The following LRRC4C variants were observed in gnomAD, a reference collection of about 807,000 sequenced individuals.
LRRC4C encodes the protein leucine-rich repeat-containing protein 4C.
LRRC4C carries 5 observed loss-of-function variants against 33.6 expected under a neutral mutation model. The observed-to-expected ratio is 0.15, with a 90% CI of 0.08 to 0.31. The LOEUF is 0.31. Ranked by LOEUF, LRRC4C falls within the 10% of genes least tolerant of loss-of-function variation. The pLI, the probability that LRRC4C is intolerant of heterozygous loss-of-function variation, is 1.00. For missense variants in LRRC4C, 560 were observed against 796.7 expected (o/e 0.70, Z 3.58); for synonymous variants, 329 against 302.0 (o/e 1.09, Z -0.93).
At chr11:41,043,965 C>A (rs1249387628) in intron 1 of LRRC4C, among the ~76,000 whole-genome samples, 3 of 151,894 alleles carry the variant, frequency 2.0e-5, no homozygotes, top group African/African-American at 7.3e-5. Context: ...AAGTGGCTTT[C>A]CAAAACACAC....
intron 2 of LRRC4C, among the ~76,000 whole-genome samples, chr11:40,720,058 G>A (rs1946934204): frequency 6.6e-6 from 1 of 152,094 alleles, no homozygotes; most frequent in Non-Finnish European, 1.5e-5. Flanking sequence ...TGTCAGCCTT[G>A]CTTATCCCTC....
chr11:40,691,889 A>G (rs1945235588), intron 2 of LRRC4C, among the ~76,000 whole-genome samples: 2 of 152,060 alleles, frequency 1.3e-5, no homozygotes, highest in Admixed American at 1.3e-4. Flanking sequence ...TAACTTTCTG[A>G]TTTGGATGTG....
intron 1 of LRRC4C, among the ~76,000 whole-genome samples, chr11:41,064,579 T>A (rs2135385662): frequency 6.6e-6 from 1 of 152,302 alleles, no homozygotes; most frequent in Non-Finnish European, 1.5e-5. Flanking sequence ...GGGATATGGT[T>A]TGGCTCTGTG....
chr11:40,528,495 G>T (rs1470918187), intron 3 of LRRC4C, among the ~76,000 whole-genome samples: 1 of 151,834 alleles, frequency 6.6e-6, no homozygotes, highest in African/African-American at 2.4e-5. Flanking sequence ...AAAAAGAAGT[G>T]TAGGCAAGGA....
At chr11:40,819,985 TA>T (rs1044557627) in intron 2 of LRRC4C, among the ~76,000 whole-genome samples, 68 of 151,064 alleles carry the variant, frequency 4.5e-4, no homozygotes, top group African/African-American at 1.6e-3. Context: ...GTGACTAAAT[TA>T]AAAAAAAGAC....
At chr11:40,634,723 A>AAT (rs370680374) in intron 3 of LRRC4C, among the ~76,000 whole-genome samples, 20,065 of 149,906 alleles carry the variant, frequency 0.13, 1,532 homozygotes, top group Non-Finnish European at 0.18. Flanking sequence ...AAGAAAATAA[A>AAT]AAAAAAAAAT....
In LRRC4C at chr11:41,381,845, GCTCT is replaced by G. The variant is rs759355254; in HGVS notation, c.-496+77582_-496+77585del. 1.5e-4 allele frequency among the ~76,000 whole-genome samples: 23 copies of G among 150,858 alleles called. No individual in the cohort carries two copies. The East Asian group carries it at 4.5e-3, about 30-fold the overall frequency. On this transcript the variant is annotated intron_variant, in intron 1 of 6. Transcript: ENST00000528697. ...TAAATAAAACCTTTATCTCTCTTTG[GCTCT>G]CTCTATCTCTGGCTCTATCTATATA...
chr11:40,317,227 A>T (rs968627312), intron 4 of LRRC4C, among the ~76,000 whole-genome samples: 1 of 151,598 alleles, frequency 6.6e-6, no homozygotes, highest in Admixed American at 6.6e-5. Flanking sequence ...ACTTAGGACT[A>T]CTTTATTCCT....
chr11:40,704,871 G>A (rs1024724362), intron 2 of LRRC4C, among the ~76,000 whole-genome samples: 1 of 151,942 alleles, frequency 6.6e-6, no homozygotes, highest in African/African-American at 2.4e-5. Context: ...AATTCTTTCT[G>A]TAAATATTGA....
intron 2 of LRRC4C, among the ~76,000 whole-genome samples, chr11:40,759,506 T>C (rs1344142552): frequency 6.6e-6 from 1 of 151,856 alleles, no homozygotes; most frequent in Non-Finnish European, 1.5e-5. Context: ...TCAGTACATA[T>C]TTGAGTGAAT....
At chr11:40,383,267 A>G (rs1247052689) in intron 3 of LRRC4C, among the ~76,000 whole-genome samples, 1 of 152,108 alleles carries the variant, frequency 6.6e-6, no homozygotes, top group East Asian at 1.9e-4. Flanking sequence ...TCATGGATGG[A>G]CACTTAGGTT....
chr11:40,763,135 AC>A (rs1949304585), intron 2 of LRRC4C, among the ~76,000 whole-genome samples: 1 of 151,442 alleles, frequency 6.6e-6, no homozygotes, highest in African/African-American at 2.4e-5. Context: ...ACATATATAT[AC>A]ACTTTTTTAG....
chr11:40,631,695 A>G (rs1167648017), intron 3 of LRRC4C, among the ~76,000 whole-genome samples: 1 of 152,208 alleles, frequency 6.6e-6, no homozygotes, highest in Non-Finnish European at 1.5e-5. Flanking sequence ...GAATTAAAAA[A>G]AAATGTTGCT....
intron 2 of LRRC4C, among the ~76,000 whole-genome samples, chr11:40,856,916 G>T (rs765399851): frequency 2.0e-5 from 3 of 152,112 alleles, no homozygotes; most frequent in Non-Finnish European, 4.4e-5. Flanking sequence ...AATAAAGTTT[G>T]AAAGTGTACA....
intron 2 of LRRC4C, among the ~76,000 whole-genome samples, chr11:40,665,323 AAAATATATATATATATAT>A (rs1296432309): frequency 2.7e-4 from 3 of 10,930 alleles, no homozygotes; most frequent in South Asian, 4.3e-3. Context: ...AAAAAAAAAA[AAAATATATATATATATAT>A]ATATATATAT....
At chr11:41,168,080 C>T (rs1422292784) in intron 1 of LRRC4C, among the ~76,000 whole-genome samples, 1 of 152,056 alleles carries the variant, frequency 6.6e-6, no homozygotes, top group Non-Finnish European at 1.5e-5. Context: ...ATCTAGCATT[C>T]ATTGACCACC....
chr11:41,354,704 G>A (rs957579876), intron 1 of LRRC4C, among the ~76,000 whole-genome samples: 1 of 151,824 alleles, frequency 6.6e-6, no homozygotes, highest in African/African-American at 2.4e-5. Context: ...AAATAAAACT[G>A]CATTTCTACC....
At chr11:40,786,382 A>T (rs988446012) in intron 2 of LRRC4C, among the ~76,000 whole-genome samples, 1 of 152,164 alleles carries the variant, frequency 6.6e-6, no homozygotes, top group Non-Finnish European at 1.5e-5. Context: ...TGCCATCATC[A>T]CAAGAAGAAA....
At chr11:41,027,717 T>C (rs531651681) in intron 1 of LRRC4C, among the ~76,000 whole-genome samples, 4 of 151,802 alleles carry the variant, frequency 2.6e-5, no homozygotes, top group East Asian at 1.9e-4. Context: ...GACAGAGTAA[T>C]AGAATATTGA....
Sources: gnomAD v4.1 joint callset for allele counts (sites outside exome capture counted in the v4.1 genomes callset) on GRCh38, gnomAD v4.1.1 for gene constraint, MANE v1.5 for transcripts, NCBI Gene and HGNC (gene_info 2026-07-23, HGNC 2026-07-21) for gene names.